Variants in AFF3 observed in about 807,000 individuals in gnomAD.
AFF3 encodes the protein AF4/FMR2 family member 3.
In AFF3, 32 loss-of-function variants were observed where a neutral mutation model predicts 129.7. That is an observed-to-expected ratio of 0.25 (90% CI 0.19 to 0.33). The LOEUF (loss-of-function observed/expected upper bound fraction) is 0.33, where lower values mean the gene tolerates loss of function less well. Ranked by LOEUF, AFF3 falls within the 10% of genes least tolerant of loss-of-function variation. The pLI, the probability that AFF3 is intolerant of heterozygous loss-of-function variation, is 1.00. For synonymous variants in AFF3, 644 were observed against 635.4 expected (o/e 1.01, Z -0.20); for missense variants, 1,373 against 1,592.0 (o/e 0.86, Z 2.34).
chr2:99,929,840 G>T (rs911090765), intron 7 of AFF3, among the ~76,000 whole-genome samples: 2 of 151,538 alleles, frequency 1.3e-5, no homozygotes, highest in Admixed American at 6.6e-5. Context: ...AAATGAGCAT[G>T]ACATTAAAAT....
At chr2:100,043,028 ATT>A (rs34981944) in intron 4 of AFF3, among the ~76,000 whole-genome samples, 1 of 147,860 alleles carries the variant, frequency 6.8e-6, no homozygotes. Context: ...ACCCAGAAGA[ATT>A]TTTTTTTTTT....
chr2:100,068,561 G>T (rs1687911139), intron 4 of AFF3, among the ~76,000 whole-genome samples: 1 of 152,156 alleles, frequency 6.6e-6, no homozygotes, highest in Admixed American at 6.5e-5. Context: ...GCGTAAAAAA[G>T]GACTTGACTT....
chr2:100,052,273 G>A (rs570083288), intron 4 of AFF3, among the ~76,000 whole-genome samples: 100 of 152,254 alleles, frequency 6.6e-4, no homozygotes, highest in South Asian at 2.1e-3. Context: ...TAAAGAATAC[G>A]ATTAAGATTT....
Position 99,593,223 on chromosome 2 carries a change from G to C in AFF3, c.2438C>G (p.Ala813Gly). 6.3e-7 allele frequency: 1 copy of C among 1,595,188 alleles called. No homozygotes were observed. Among genetic ancestry groups the C allele is most frequent in the Non-Finnish European group, 8.6e-7 (1 of 1,168,162 alleles). ...GCGTTTCCTCTTGGATTTTGGCAAA[G>C]CCTTTTCTGCAGGTGTGTCCGAGGT... ...SHTSDTPAEK[A>G]LPKSKRKRKC... The change falls in exon 15 of 25, where the codon GCT becomes GGT. Residue 813 changes from alanine to glycine, a missense_variant. Ala to Gly is a moderately conservative substitution (Grantham distance 60). Coordinates refer to ENST00000672756, the MANE Select transcript of AFF3 (RefSeq NM_001386135.1).
At chr2:99,959,181 G>C (rs1286330885) in intron 7 of AFF3, among the ~76,000 whole-genome samples, 1 of 151,990 alleles carries the variant, frequency 6.6e-6, no homozygotes, top group South Asian at 2.1e-4. Flanking sequence ...AAAGGAGGTA[G>C]CAATTTAATC....
At chr2:99,820,509 G>A (rs1687574991) in intron 8 of AFF3, among the ~76,000 whole-genome samples, 1 of 151,766 alleles carries the variant, frequency 6.6e-6, no homozygotes, top group South Asian at 2.1e-4. Flanking sequence ...GGACATTACC[G>A]TACACTACTG....
At chr2:100,042,283 G>A (rs959518130) in intron 4 of AFF3, among the ~76,000 whole-genome samples, 3 of 152,134 alleles carry the variant, frequency 2.0e-5, no homozygotes, top group Admixed American at 6.5e-5. Context: ...CCACCCCAGC[G>A]AGTGCTGCCT....
At chr2:99,853,960 T>C (rs1313858738) in intron 7 of AFF3, among the ~76,000 whole-genome samples, 1 of 152,220 alleles carries the variant, frequency 6.6e-6, no homozygotes, top group East Asian at 1.9e-4. Context: ...ACATAGTAGC[T>C]TGTGGATACA....
chr2:99,914,638 G>A (rs1397217974), intron 7 of AFF3, among the ~76,000 whole-genome samples: 6 of 152,212 alleles, frequency 3.9e-5, no homozygotes, highest in African/African-American at 7.2e-5. Context: ...CATGCTGGCC[G>A]TGTGCAGTGG....
Position 99,551,507 on chromosome 2 carries a change from C to T in AFF3, c.3648G>A (p.Leu1216=), listed in dbSNP as rs1674407788. The change falls in exon 25 of 25, where the codon CTG becomes CTA. Residue 1216 remains leucine (L), a synonymous_variant. Coordinates refer to ENST00000672756, the MANE Select transcript of AFF3 (RefSeq NM_001386135.1). ...GGTGGGCGCTGTTCCGCAGCCAGTG[C>T]AGGCCCTGTTGGGAGTACTGGACCA... is the stretch of plus-strand genomic sequence containing the variant. ...EHLVQYSQQG[L]HWLRNSAHLS 2 of 1,614,046 alleles carry T rather than the reference C, an allele frequency of 1.2e-6. No homozygotes were observed. Among genetic ancestry groups the T allele is most frequent in the South Asian group, 1.1e-5 (1 of 91,084 alleles).
intron 7 of AFF3, among the ~76,000 whole-genome samples, chr2:99,932,697 G>A (rs775317218): frequency 3.9e-5 from 6 of 152,140 alleles, no homozygotes; most frequent in African/African-American, 7.2e-5. Context: ...TAGGGACTGC[G>A]TCTTGAATTC....
intron 11 of AFF3, among the ~76,000 whole-genome samples, chr2:99,676,671 T>C (rs1302397517): frequency 6.6e-6 from 1 of 152,164 alleles, no homozygotes; most frequent in Non-Finnish European, 1.5e-5. Context: ...GTTGAGACTT[T>C]GAGATGTCTT....
At chr2:100,008,615 C>T (rs1026589548) in intron 5 of AFF3, among the ~76,000 whole-genome samples, 197 bp downstream of exon 5, 3 of 152,182 alleles carry the variant, frequency 2.0e-5, no homozygotes, top group Non-Finnish European at 4.4e-5. Context: ...GAGGGAGTGG[C>T]CAGTAAAGCC....
Position 99,789,520 on chromosome 2 carries a change from A to T in AFF3, c.922-37219T>A, listed in dbSNP as rs527790917. On this transcript the variant is annotated intron_variant, in intron 8 of 24. Transcript: ENST00000672756. ...TTCTGCCTTCTTTTCCAGACACCCT[A>T]GAAATCATGAAAATGGAACCAGAAT... Among the ~76,000 whole-genome samples the T allele has an allele frequency of 1.3e-4, 20 of 150,686 alleles. No individual in the cohort carries two copies. The East Asian group carries it at 3.9e-3, about 29-fold the overall frequency.
chr2:100,094,632 C>T (rs2105434969), intron 4 of AFF3, among the ~76,000 whole-genome samples: 1 of 148,240 alleles, frequency 6.7e-6, no homozygotes, highest in Non-Finnish European at 1.5e-5. Context: ...CTGGGGACCC[C>T]TGCACTCCTT....
intron 7 of AFF3, among the ~76,000 whole-genome samples, chr2:99,973,989 T>C (rs1245233282): frequency 6.6e-6 from 1 of 152,212 alleles, no homozygotes; most frequent in African/African-American, 2.4e-5. Flanking sequence ...GCCTTTCTAA[T>C]TTGCATTTAA....
At chr2:99,842,836 G>T (rs1049427399) in intron 7 of AFF3, among the ~76,000 whole-genome samples, 2 of 152,206 alleles carry the variant, frequency 1.3e-5, no homozygotes, top group African/African-American at 4.8e-5. Context: ...TAAGGAAAAA[G>T]AGTGTGATCA....
intron 8 of AFF3, among the ~76,000 whole-genome samples, chr2:99,787,306 G>A (rs548216209): frequency 1.1e-3 from 165 of 152,118 alleles, no homozygotes; most frequent in African/African-American, 3.7e-3. Context: ...GGGCATAGAC[G>A]GGAGAAAACA....
chr2:99,649,572 A>C (rs1427828655), intron 13 of AFF3, 54 bp downstream of exon 13: 5 of 1,556,296 alleles, frequency 3.2e-6, no homozygotes, highest in Non-Finnish European at 4.4e-6. Context: ...CACAATAAAT[A>C]GGGCTCAATG....
Sources: gnomAD v4.1 joint callset for allele counts (sites outside exome capture counted in the v4.1 genomes callset) on GRCh38, gnomAD v4.1.1 for gene constraint, MANE v1.5 for transcripts, NCBI Gene and HGNC (gene_info 2026-07-23, HGNC 2026-07-21) for gene names.